PDK2: variants seen among roughly 807,000 people sequenced by gnomAD.
PDK2 encodes pyruvate dehydrogenase kinase, isozyme 2.
A neutral mutation model predicts 50.4 loss-of-function variants in PDK2; 34 were observed. That is an observed-to-expected ratio of 0.68 (90% CI 0.51 to 0.90). The LOEUF (loss-of-function observed/expected upper bound fraction) is 0.90. Among genes scored for constraint, PDK2 ranks in the 40% least tolerant of loss-of-function variants. The probability of loss-of-function intolerance (pLI) is 0.00; values close to 1 mark genes in which losing one functional copy is unlikely to be tolerated. For synonymous variants in PDK2, 232 were observed against 216.0 expected (o/e 1.07, Z -0.65); for missense variants, 377 against 544.5 (o/e 0.69, Z 3.06).
rs966600691 is a variant in PDK2, at chr17:50,105,531, T to G, written c.332+89T>G. 8 of 1,096,474 alleles carry G rather than the reference T, an allele frequency of 7.3e-6. No homozygotes were observed. In the Admixed American group the frequency reaches 1.8e-4, roughly 25 times the overall value. The allele number at this position is 1,096,474 out of a possible 1,614,324, so 67.9% of individuals were successfully genotyped here. ...CCCCTGGGGCAGAAGTACAGCAGGA[T>G]GGAAGAAAAGACCCCTGCCTTCAGA... On this transcript the variant is annotated intron_variant, in intron 3 of 10. Coordinates refer to ENST00000503176, the MANE Select transcript of PDK2 (RefSeq NM_002611.5).
chr17:50,095,683 G>T (rs1210467670), intron 1 of PDK2, 130 bp downstream of exon 1: 2 of 1,460,676 alleles, frequency 1.4e-6, no homozygotes, highest in Non-Finnish European at 1.8e-6. Context: ...AAAGGTACAG[G>T]CAGGAAAGAG....
At chr17:50,096,241 G>C (rs1001238360) in intron 1 of PDK2, 1 of 985,368 alleles carries the variant, frequency 1.0e-6, no homozygotes, top group Non-Finnish European at 1.2e-6. Context: ...ACCGTGATGT[G>C]GAGTCAAGCC....
chr17:50,110,432 C>A lies in PDK2; in HGVS notation c.*335C>A. 4.9e-6 allele frequency: 1 copy of A among 205,788 alleles called. No individual in the cohort carries two copies. 12.7% of individuals were successfully genotyped at this position (205,788 alleles called of 1,614,324 possible). A position where few individuals can be genotyped will look rare whatever the true frequency, so the allele number is the denominator to read the frequency against. ...CACTTTTCTGCCAGGGGTACTGGGT[C>A]CCCCTCAGCACCCTCCACAGCACAG... On this transcript the variant is annotated 3_prime_UTR_variant, in exon 11 of 11. Coordinates refer to ENST00000503176, the MANE Select transcript of PDK2 (RefSeq NM_002611.5).
At chr17:50,097,683 A>T in intron 2 of PDK2, 119 bp downstream of exon 2, 1 of 1,238,598 alleles carries the variant, frequency 8.1e-7, no homozygotes, top group African/African-American at 1.5e-5. Flanking sequence ...GACAGGAGAC[A>T]CCAAAGCCCC....
rs920506365 is a variant in PDK2, at chr17:50,108,558, C to T, written c.862-54C>T. ...CCATGAGAAGGTCAGGGGTATTGGG[C>T]GGGGTGGGGAAAATGAGCTGTAAAG... On this transcript the variant is annotated intron_variant, in intron 8 of 10. Transcript: ENST00000503176. 60 of 1,067,820 alleles carry T rather than the reference C, an allele frequency of 5.6e-5. 1 individual carries two copies. The highest frequency in any genetic ancestry group is 5.3e-4 in the Admixed American group (24 of 44,876). The allele number at this position is 1,067,820 out of a possible 1,614,324, so 66.1% of individuals were successfully genotyped here. A position where few individuals can be genotyped will look rare whatever the true frequency, so the allele number is the denominator to read the frequency against.
intron 3 of PDK2, among the ~76,000 whole-genome samples, chr17:50,105,653 G>A (rs1303832719): frequency 6.6e-6 from 1 of 152,226 alleles, no homozygotes; most frequent in Non-Finnish European, 1.5e-5. Flanking sequence ...CCTGAGCCCG[G>A]TGGGCAAGAC....
rs1910779983 is a variant in PDK2, at chr17:50,110,654, G to A, written c.*557G>A. On this transcript the variant is annotated 3_prime_UTR_variant, in exon 11 of 11. Coordinates refer to ENST00000503176, the MANE Select transcript of PDK2 (RefSeq NM_002611.5). ...TCCGCTCAGGGCTTGAAGGTCGGTG[G>A]CGGAGGGGGTGGCTCTCACAGGGCC... is the stretch of plus-strand genomic sequence containing the variant. The A allele has an allele frequency of 6.6e-6, 1 of 152,240 alleles. No individual in the cohort carries two copies. The highest frequency in any genetic ancestry group is 1.5e-5 in the Non-Finnish European group (1 of 68,070). 9.4% of individuals were successfully genotyped at this position (152,240 alleles called of 1,614,324 possible). A position where few individuals can be genotyped will look rare whatever the true frequency, so the allele number is the denominator to read the frequency against.
In PDK2 at chr17:50,110,663, G is replaced by T. The variant is rs1910780892; in HGVS notation, c.*566G>T. ...GGCTTGAAGGTCGGTGGCGGAGGGG[G>T]TGGCTCTCACAGGGCCCAACTCTAA... On this transcript the variant is annotated 3_prime_UTR_variant, in exon 11 of 11. Transcript: ENST00000503176. The T allele has an allele frequency of 6.6e-6, 1 of 152,240 alleles. No individual in the cohort carries two copies. The highest frequency in any genetic ancestry group is 2.4e-5 in the African/African-American group (1 of 41,436). 9.4% of individuals were successfully genotyped at this position (152,240 alleles called of 1,614,324 possible).
intron 1 of PDK2, 92 bp downstream of exon 1, chr17:50,095,645 C>A: frequency 2.0e-6 from 3 of 1,487,454 alleles, no homozygotes; most frequent in Non-Finnish European, 2.7e-6. Flanking sequence ...AGAAGAAAGG[C>A]CCCGAGTGAC....
Position 50,109,243 on chromosome 17 carries a change from C to G in PDK2, c.970-44C>G. 2.3e-6 allele frequency: 3 copies of G among 1,297,138 alleles called. No individual in the cohort carries two copies. Among genetic ancestry groups the G allele is most frequent in the South Asian group, 1.2e-5 (1 of 82,352 alleles). The allele number at this position is 1,297,138 out of a possible 1,614,324, so 80.4% of individuals were successfully genotyped here. ...TCAGTCCCTGCAGCTCCAGGAGGCC[C>G]CTGCCAGCCTCCTCATCCTCACTGC... is the stretch of plus-strand genomic sequence containing the variant. On this transcript the variant is annotated intron_variant, in intron 9 of 10. Transcript: ENST00000503176. The surrounding 1 kb of genome is among the most constrained non-coding windows in gnomAD (Gnocchi z 5.0).
Position 50,108,225 on chromosome 17 carries a change from T to A in PDK2, c.755T>A (p.Leu252His), listed in dbSNP as rs1464522447. Residue 252 changes from leucine (L) to histidine (H), a missense_variant, in exon 7 of 11, where the codon CTC (leucine) becomes CAC (histidine). Physicochemically the swap from Leu to His is moderately conservative, Grantham distance 99. Coordinates refer to ENST00000503176, the MANE Select transcript of PDK2 (RefSeq NM_002611.5). ...CACCTCTACCACATGCTCTTTGAGC[T>A]CTTCAAGGTGAGGAGGCTGGGAGCC... is the stretch of plus-strand genomic sequence containing the variant. ...PSHLYHMLFE[L>H]FKNAMRATVE... is the part of the protein sequence containing the mutation. 4.4e-6 allele frequency: 7 copies of A among 1,599,054 alleles called. No individual in the cohort carries two copies. The highest frequency in any genetic ancestry group is 6.0e-6 in the Non-Finnish European group (7 of 1,171,576).
In PDK2 at chr17:50,108,179, C is replaced by A; in HGVS notation, c.709C>A (p.His237Asn). 6.3e-7 allele frequency: 1 copy of A among 1,596,928 alleles called. No homozygotes were observed. The highest frequency in any genetic ancestry group is 1.1e-5 in the South Asian group (1 of 88,414). The part of the protein sequence containing the change: ...INAANSKQPI[H>N]MVYVPSHLYH... ...AGCAGCCAACTCCAAACAGCCGATT[C>A]ACATGGTCTACGTCCCCTCCCACCT... The change falls in exon 7 of 11, where the codon CAC becomes AAC. Residue 237 changes from histidine to asparagine, a missense_variant. By Grantham distance (68) the His-to-Asn change is moderately conservative. Around this residue, in one of 3 missense-constraint regions of PDK2, gnomAD observed 214 missense variants for 294.0 expected, o/e 0.73. Coordinates refer to ENST00000503176, the MANE Select transcript of PDK2 (RefSeq NM_002611.5).
chr17:50,109,826 A>T lies in PDK2; in HGVS notation c.1084-131A>T, dbSNP rs1910729739. 4 of 1,019,534 alleles carry T rather than the reference A, an allele frequency of 3.9e-6. No homozygotes were observed. Among genetic ancestry groups the T allele is most frequent in the Non-Finnish European group, 5.5e-6 (4 of 722,698 alleles). The allele number at this position is 1,019,534 out of a possible 1,614,324, so 63.2% of individuals were successfully genotyped here. A position where few individuals can be genotyped will look rare whatever the true frequency, so the allele number is the denominator to read the frequency against. On this transcript the variant is annotated intron_variant, in intron 10 of 10. Coordinates refer to ENST00000503176, the MANE Select transcript of PDK2 (RefSeq NM_002611.5). The surrounding 1 kb of genome is among the most constrained non-coding windows in gnomAD (Gnocchi z 5.0). ...TGGGCAGGAGCGGGACACAGGAGGG[A>T]CCACCCTTTTGTGGTCTTTCCAGGC...
At chr17:50,098,843 G>A (rs961058174) in intron 2 of PDK2, 1 of 152,274 alleles carries the variant, frequency 6.6e-6, no homozygotes, top group Non-Finnish European at 1.5e-5. Flanking sequence ...ATGCAGAGGA[G>A]GTGACTTGTC....
At chr17:50,108,003 G>A in intron 6 of PDK2, 153 bp from the exon 7 acceptor site, 1 of 659,240 alleles carries the variant, frequency 1.5e-6, no homozygotes, top group Non-Finnish European at 2.7e-6. Flanking sequence ...TGAGTCACCA[G>A]CTACCCCAGC....
chr17:50,106,738 G>A, intron 4 of PDK2, 56 bp from the exon 5 acceptor site: 1 of 1,408,518 alleles, frequency 7.1e-7, no homozygotes, highest in Non-Finnish European at 1.0e-6. Flanking sequence ...GGGGGAAGAG[G>A]GAGCGCTGGG....
At position 50,101,561 on chromosome 17, in the gene PDK2, A is replaced by AGGGT. The variant is rs200008597; in HGVS notation, c.261-3809_261-3808insGGTG. ...CTGCTCCCCAGCAGCTGTGGATACGAGTGCACAGGGCACACCCTCGCACAC... is the reference window on the plus strand; with the variant it reads ...CTGCTCCCCAGCAGCTGTGGATACGAGGGTGTGCACAGGGCACACCCTCGCACAC... On this transcript the variant is annotated intron_variant, in intron 2 of 10. Coordinates refer to ENST00000503176, the MANE Select transcript of PDK2 (RefSeq NM_002611.5). The surrounding 1 kb of genome is among the most constrained non-coding windows in gnomAD (Gnocchi z 4.2). 0.022 allele frequency among the ~76,000 whole-genome samples: 3,296 copies of AGGGT among 152,152 alleles called. 105 individuals carry two copies. The highest frequency in any genetic ancestry group is 0.07 in the African/African-American group (2,920 of 41,478).
chr17:50,096,149 C>T (rs1909928830), intron 1 of PDK2: 2 of 985,608 alleles, frequency 2.0e-6, no homozygotes, highest in Admixed American at 6.1e-5. Context: ...TGGACCCTAG[C>T]TGCCCCAGTG....
At chr17:50,106,982 A>T in intron 5 of PDK2, 94 bp from the exon 6 acceptor site, 1 of 1,467,546 alleles carries the variant, frequency 6.8e-7, no homozygotes, top group Non-Finnish European at 9.6e-7. Flanking sequence ...AAGGGGTGCC[A>T]TGGATTTAAT....
Sources: allele counts gnomAD v4.1 joint callset (sites outside exome capture counted in the v4.1 genomes callset), GRCh38; gene constraint gnomAD v4.1.1; regional missense constraint gnomAD v4.1.1; non-coding constraint Gnocchi (gnomAD v3.1); transcripts MANE v1.5; gene names NCBI Gene and HGNC (gene_info 2026-07-23, HGNC 2026-07-21).